Variants in SLC8B1 observed in about 807,000 individuals in gnomAD.
The protein encoded by SLC8B1 is solute carrier family 8 member B1, also known as mitochondrial sodium/calcium exchanger protein.
SLC8B1 carries 52 observed loss-of-function variants against 63.4 expected under a neutral mutation model. The observed-to-expected ratio is 0.82, with a 90% confidence interval of 0.66 to 1.03. The LOEUF is 1.03. Among genes scored for constraint, SLC8B1 ranks in the 50% least tolerant of loss-of-function variants. The pLI is 0.00. For missense variants in SLC8B1, 657 were observed against 741.7 expected (o/e 0.89, Z 1.33); for synonymous variants, 336 against 323.9 (o/e 1.04, Z -0.40).
intron 2 of SLC8B1, among the ~76,000 whole-genome samples, chr12:113,326,975 T>G (rs1270398809): frequency 2.0e-5 from 3 of 152,214 alleles, no homozygotes; most frequent in South Asian, 4.1e-4. Flanking sequence ...GTTTCTGTCC[T>G]GAGCTTCCCT....
intron 12 of SLC8B1, among the ~76,000 whole-genome samples, chr12:113,309,322 C>A (rs1474216188): frequency 6.6e-6 from 1 of 152,204 alleles, no homozygotes; most frequent in African/African-American, 2.4e-5. Flanking sequence ...GTGCCCGCCA[C>A]CACGCCCAGC....
intron 15 of SLC8B1, among the ~76,000 whole-genome samples, chr12:113,304,100 C>T (rs1394903439): frequency 3.9e-5 from 6 of 152,088 alleles, no homozygotes; most frequent in African/African-American, 1.4e-4. Flanking sequence ...AGGCTGGTCT[C>T]GAACTCCTGA....
At chr12:113,309,001 C>G (rs1956718150) in intron 12 of SLC8B1, among the ~76,000 whole-genome samples, 1 of 151,530 alleles carries the variant, frequency 6.6e-6, no homozygotes, top group Non-Finnish European at 1.5e-5. Flanking sequence ...TTACAGGTGC[C>G]CGCCACCATG....
chr12:113,302,771 A>G (rs1249295297), intron 15 of SLC8B1: 2 of 455,610 alleles, frequency 4.4e-6, no homozygotes, highest in African/African-American at 4.0e-5. Context: ...GCTCTTAACC[A>G]ATGCCTATCC....
At chr12:113,326,823 G>T in intron 2 of SLC8B1, among the ~76,000 whole-genome samples, 1 of 151,978 alleles carries the variant, frequency 6.6e-6, no homozygotes, top group Non-Finnish European at 1.5e-5. Flanking sequence ...AGCTACAAAT[G>T]TGAGCCCACA....
At chr12:113,330,715 G>C (rs867433066) in intron 2 of SLC8B1, among the ~76,000 whole-genome samples, 1 of 152,104 alleles carries the variant, frequency 6.6e-6, no homozygotes, top group Non-Finnish European at 1.5e-5. Context: ...GGGCTTAATT[G>C]CCTGTTGCCT....
chr12:113,326,920 T>G (rs756954747), intron 2 of SLC8B1, among the ~76,000 whole-genome samples: 1 of 152,122 alleles, frequency 6.6e-6, no homozygotes, highest in African/African-American at 2.4e-5. Context: ...GGCTTGGGAA[T>G]CTCCATCAAC....
At chr12:113,304,435 A>G (rs780761781) in intron 14 of SLC8B1, 50 bp from the exon 15 acceptor site, 2 of 1,534,008 alleles carry the variant, frequency 1.3e-6, no homozygotes, top group Non-Finnish European at 1.8e-6. Flanking sequence ...ACATAACCCA[A>G]CCACATAGCC....
rs913974157 is a variant in SLC8B1 at position 113,305,755 on chromosome 12, A to G, written c.1492+740T>C. Among the ~76,000 whole-genome samples the G allele has an allele frequency of 2.6e-5, 4 of 152,148 alleles. No homozygotes were observed. The highest frequency in any genetic ancestry group is 9.7e-5 in the African/African-American group (4 of 41,434). ...CTGCAAAACCGCCTGCATGGCCCCCAAAGTCTAAAATATTTATTCTTTGGG... is the reference window on the plus strand; with the variant it reads ...CTGCAAAACCGCCTGCATGGCCCCCGAAGTCTAAAATATTTATTCTTTGGG... On this transcript the variant is annotated intron_variant, in intron 14 of 15. Transcript: ENST00000680972. This position sits in a 1 kb window ranked among gnomAD's most constrained non-coding sequence, Gnocchi z 4.3.
intron 15 of SLC8B1, chr12:113,302,218 T>G (rs1039530867): frequency 6.2e-6 from 1 of 160,540 alleles, no homozygotes; most frequent in Non-Finnish European, 1.4e-5. Flanking sequence ...GGCCCCTAAA[T>G]CCAATGACTC....
In SLC8B1 at chr12:113,320,258, C is replaced by A; in HGVS notation, c.694+73G>T. ...CCCACTGACCACCCCTCACACCTCT[C>A]TGTCCCAGGCACCTCCTAAACCTCC... On this transcript the variant is annotated intron_variant, in intron 7 of 15. Coordinates refer to ENST00000680972, the MANE Select transcript of SLC8B1 (RefSeq NM_001358345.2). This position sits in a 1 kb window ranked among gnomAD's most constrained non-coding sequence, Gnocchi z 5.3. 4 of 1,541,490 alleles carry A rather than the reference C, an allele frequency of 2.6e-6. No homozygotes were observed. Among genetic ancestry groups the A allele is most frequent in the Non-Finnish European group, 3.5e-6 (4 of 1,137,550 alleles).
At chr12:113,316,677 G>A in intron 9 of SLC8B1, 21 bp from the exon 10 acceptor site, 4 of 1,611,296 alleles carry the variant, frequency 2.5e-6, no homozygotes, top group Non-Finnish European at 2.5e-6. Flanking sequence ...GGGTCGGGTG[G>A]TGAGGTGTGC....
intron 2 of SLC8B1, among the ~76,000 whole-genome samples, chr12:113,323,541 T>A (rs1229263323): frequency 6.6e-6 from 1 of 152,088 alleles, no homozygotes; most frequent in Non-Finnish European, 1.5e-5. Flanking sequence ...AAACCCCGTC[T>A]CTACTAAAAA....
At chr12:113,306,857 T>C (rs1273981503) in intron 13 of SLC8B1, 1 of 474,622 alleles carries the variant, frequency 2.1e-6, no homozygotes, top group African/African-American at 1.9e-5. Context: ...ACACCTGTAA[T>C]CCCAGCACTT....
At chr12:113,317,076 AG>A in intron 8 of SLC8B1, 75 bp from the exon 9 acceptor site, 1 of 1,296,110 alleles carries the variant, frequency 7.7e-7, no homozygotes, top group Non-Finnish European at 1.1e-6. Flanking sequence ...GAGCAGGTTT[AG>A]GGGTGCAAGT....
At chr12:113,328,722 A>G (rs1957024662) in intron 2 of SLC8B1, among the ~76,000 whole-genome samples, 1 of 149,710 alleles carries the variant, frequency 6.7e-6, no homozygotes, top group Non-Finnish European at 1.5e-5. Context: ...GACTACTCCC[A>G]GCCTAGCTGG....
At chr12:113,302,600 TAGC>T (rs1485160739) in intron 15 of SLC8B1, 2 of 455,686 alleles carry the variant, frequency 4.4e-6, no homozygotes. Context: ...CTTCCACACT[TAGC>T]AGGTATATCC....
rs1007354293 is a variant in SLC8B1, at chr12:113,308,067, C to T, written c.1258-223G>A. 3.0e-5 allele frequency: 15 copies of T among 497,448 alleles called. 1 individual carries two copies. The highest frequency in any genetic ancestry group is 1.8e-4 in the African/African-American group (8 of 44,644). The allele number at this position is 497,448 out of a possible 1,614,324, so 30.8% of individuals were successfully genotyped here. A position where few individuals can be genotyped will look rare whatever the true frequency, so the allele number is the denominator to read the frequency against. On this transcript the variant is annotated intron_variant, in intron 12 of 15. Transcript: ENST00000680972. ...TTCCTTAATAAACTCCCTTTCAGGC[C>T]GGGCACGGTGGCTCACCGCCTGTAA...
chr12:113,306,078 A>C (rs1956669849), intron 14 of SLC8B1, among the ~76,000 whole-genome samples: 4 of 147,472 alleles, frequency 2.7e-5, no homozygotes, highest in Admixed American at 2.7e-4. Flanking sequence ...AAAAAAAAAA[A>C]AAAAAAAAAA....
Sources: gnomAD v4.1 joint callset for allele counts (sites outside exome capture counted in the v4.1 genomes callset) on GRCh38, gnomAD v4.1.1 for gene constraint, Gnocchi (gnomAD v3.1) non-coding constraint, MANE v1.5 for transcripts, NCBI Gene and HGNC (gene_info 2026-07-23, HGNC 2026-07-21) for gene names.